The following PARD3B variants were observed in gnomAD, a reference collection of about 807,000 sequenced individuals.
PARD3B encodes par-3 family cell polarity regulator beta, also known as partitioning defective 3 homolog B.
A neutral mutation model predicts 130.2 loss-of-function variants in PARD3B; 103 were observed. That is an observed-to-expected ratio of 0.79 (90% CI 0.67 to 0.93). The LOEUF is 0.93. PARD3B is among the 40% of genes least tolerant of loss of function. The pLI is 0.00. For synonymous variants in PARD3B, 583 were observed against 553.2 expected (o/e 1.05, Z -0.76); for missense variants, 1,609 against 1,499.2 (o/e 1.07, Z -1.21).
intron 2 of PARD3B, among the ~76,000 whole-genome samples, chr2:204,747,953 A>G (rs143816124): frequency 6.6e-6 from 1 of 152,226 alleles, no homozygotes; most frequent in Non-Finnish European, 1.5e-5. Flanking sequence ...CAAAAATTAC[A>G]TGATACTCAG....
chr2:205,329,445 C>A (rs1188454168), intron 18 of PARD3B, among the ~76,000 whole-genome samples: 1 of 152,142 alleles, frequency 6.6e-6, no homozygotes, highest in Non-Finnish European at 1.5e-5. Context: ...CTTCTTAGCT[C>A]AGACAGTGGA....
At chr2:205,044,451 A>G (rs1331677395) in intron 3 of PARD3B, among the ~76,000 whole-genome samples, 2 of 148,646 alleles carry the variant, frequency 1.3e-5, no homozygotes, top group Admixed American at 1.3e-4. Flanking sequence ...ATTTCTCCAC[A>G]TCCTCTCCAG....
In PARD3B at chr2:205,519,877, G is replaced by A. The variant is rs571718706; in HGVS notation, c.3180+19846G>A. ...GCATTTTTGGTGTTGAAGCTTTGGGGTGTGATCCAGTAGGTGGCACTTAGG... is the reference window on the plus strand; with the variant it reads ...GCATTTTTGGTGTTGAAGCTTTGGGATGTGATCCAGTAGGTGGCACTTAGG... On this transcript the variant is annotated intron_variant, in intron 21 of 22. Coordinates refer to ENST00000406610, the MANE Select transcript of PARD3B (RefSeq NM_001302769.2). Among the ~76,000 whole-genome samples the A allele has an allele frequency of 3.3e-5, 5 of 152,260 alleles. No individual in the cohort carries two copies. The East Asian group carries it at 9.6e-4, about 29-fold the overall frequency.
chr2:205,439,769 A>G (rs565063201), intron 19 of PARD3B, among the ~76,000 whole-genome samples: 2 of 152,346 alleles, frequency 1.3e-5, no homozygotes, highest in South Asian at 4.1e-4. Context: ...TAGCGCCTAT[A>G]TAATGAGACA....
chr2:204,631,541 C>G (rs528101851), intron 1 of PARD3B, among the ~76,000 whole-genome samples: 6 of 152,318 alleles, frequency 3.9e-5, no homozygotes, highest in Admixed American at 3.9e-4. Context: ...GCCACTGTGC[C>G]CAGCTGGGTC....
At chr2:204,589,580 C>CTTGTGCAT (rs2032987275) in intron 1 of PARD3B, among the ~76,000 whole-genome samples, 1 of 151,354 alleles carries the variant, frequency 6.6e-6, no homozygotes, top group Non-Finnish European at 1.5e-5. Context: ...TCTAGAAGAC[C>CTTGTGCAT]AAATATAGCT....
intron 10 of PARD3B, among the ~76,000 whole-genome samples, chr2:205,153,123 G>A (rs2033874028): frequency 1.3e-5 from 2 of 152,162 alleles, no homozygotes; most frequent in Admixed American, 6.5e-5. Context: ...AACAGCAAAC[G>A]TTGCTGCCTG....
At position 205,155,886 on chromosome 2, in the gene PARD3B, A is replaced by G. The variant is rs539194477; in HGVS notation, c.1435-2836A>G. Among the ~76,000 whole-genome samples the G allele has an allele frequency of 2.0e-5, 3 of 152,150 alleles. No individual in the cohort carries two copies. The East Asian group carries it at 5.8e-4, about 29-fold the overall frequency. On this transcript the variant is annotated intron_variant, in intron 10 of 22. Coordinates refer to ENST00000406610, the MANE Select transcript of PARD3B (RefSeq NM_001302769.2). The stretch of plus-strand genomic sequence containing the variant: ...GTTCATGTCCTTCGCCCACTTTTTG[A>G]TGGGGTTGTTTGTTTTTTTCTTGGG...
At chr2:204,622,611 CTAT>C (rs1349375730) in intron 1 of PARD3B, among the ~76,000 whole-genome samples, 3 of 151,420 alleles carry the variant, frequency 2.0e-5, no homozygotes, top group African/African-American at 7.3e-5. Flanking sequence ...TTATATACTA[CTAT>C]TATATAGCCG....
chr2:205,266,662 A>G (rs1159970922), intron 16 of PARD3B, among the ~76,000 whole-genome samples: 1 of 151,988 alleles, frequency 6.6e-6, no homozygotes, highest in Admixed American at 6.6e-5. Context: ...CCCTTGCTTC[A>G]CTCTGAATAA....
intron 2 of PARD3B, among the ~76,000 whole-genome samples, chr2:204,719,196 T>C (rs1373961328): frequency 2.0e-5 from 3 of 152,216 alleles, no homozygotes; most frequent in Non-Finnish European, 4.4e-5. Context: ...CGAAAGCACA[T>C]CTTGTGGATT....
chr2:205,203,892 G>T (rs910601253), intron 15 of PARD3B, among the ~76,000 whole-genome samples: 1 of 152,114 alleles, frequency 6.6e-6, no homozygotes, highest in African/African-American at 2.4e-5. Context: ...TTGCTATTGT[G>T]AATAGTGCCG....
rs753474749 is a variant in PARD3B, at chr2:205,172,355, C to T, written c.1765C>T (p.Leu589=). The T allele has an allele frequency of 6.2e-7, 1 of 1,613,918 alleles. No individual in the cohort carries two copies. Among genetic ancestry groups the T allele is most frequent in the Non-Finnish European group, 8.5e-7 (1 of 1,179,960 alleles). Residue 589 remains leucine, a synonymous_variant, in exon 12 of 23, where the codon CTG becomes TTG. Coordinates refer to ENST00000406610, the MANE Select transcript of PARD3B (RefSeq NM_001302769.2). ...CCGAGGGATGATCCAGTTGGTGATT[C>T]TGAGGAGGCCAGAGAGACCAATGGA... ...NIRGMIQLVI[L]RRPERPMEDP...
rs1202203772 is a variant in PARD3B at position 204,610,424 on chromosome 2, T to C, written c.120+64305T>C. ...AGGCTGGAGGGCAGTGGCACGGTCT[T>C]GGCTTACTGCAACCTCGACCTCCCA... On this transcript the variant is annotated intron_variant, in intron 1 of 22. Transcript: ENST00000406610. The surrounding 1 kb of genome is among the most constrained non-coding windows in gnomAD (Gnocchi z 4.1). 6.6e-6 allele frequency among the ~76,000 whole-genome samples: 1 copy of C among 152,282 alleles called. No individual in the cohort carries two copies. The highest frequency in any genetic ancestry group is 1.9e-4 in the East Asian group (1 of 5,182).
intron 19 of PARD3B, among the ~76,000 whole-genome samples, chr2:205,422,201 G>A (rs1363601126): frequency 1.3e-5 from 2 of 152,178 alleles, no homozygotes; most frequent in African/African-American, 4.8e-5. Flanking sequence ...CAGACAGAAA[G>A]AACTGCAAGA....
chr2:205,310,171 G>A (rs552450643), intron 18 of PARD3B, among the ~76,000 whole-genome samples: 5 of 144,824 alleles, frequency 3.5e-5, no homozygotes, highest in Admixed American at 7.1e-5. Flanking sequence ...TGCAAGCTCC[G>A]CCTCCTGGGT....
At chr2:205,500,615 G>A (rs866984236) in intron 21 of PARD3B, among the ~76,000 whole-genome samples, 4 of 152,104 alleles carry the variant, frequency 2.6e-5, no homozygotes, top group Admixed American at 6.6e-5. Flanking sequence ...TTTCAGAGTG[G>A]CACGATTCAC....
At chr2:204,790,635 G>C (rs562296411) in intron 2 of PARD3B, among the ~76,000 whole-genome samples, 2 of 152,280 alleles carry the variant, frequency 1.3e-5, no homozygotes, top group South Asian at 4.1e-4. Context: ...TAGTAGACCC[G>C]TATGGATGAG....
At chr2:204,705,079 A>G (rs202207002) in intron 2 of PARD3B, among the ~76,000 whole-genome samples, 2 of 152,220 alleles carry the variant, frequency 1.3e-5, no homozygotes, top group Admixed American at 6.5e-5. Context: ...CACATCAAAT[A>G]TAGTACAGGA....
Sources: allele counts gnomAD v4.1 joint callset (sites outside exome capture counted in the v4.1 genomes callset), GRCh38; gene constraint gnomAD v4.1.1; non-coding constraint Gnocchi (gnomAD v3.1); transcripts MANE v1.5; gene names NCBI Gene and HGNC (gene_info 2026-07-23, HGNC 2026-07-21).